The following PKHD1 variants were observed in gnomAD, a reference collection of about 807,000 sequenced individuals.
PKHD1 encodes PKHD1 ciliary IPT domain containing fibrocystin/polyductin.
A neutral mutation model predicts 412.0 loss-of-function variants in PKHD1; 291 were observed. The observed-to-expected ratio is 0.71, with a 90% CI of 0.64 to 0.78. The LOEUF (loss-of-function observed/expected upper bound fraction) is 0.78, where lower values mean the gene tolerates loss of function less well. Ranked by LOEUF, PKHD1 falls within the 30% of genes least tolerant of loss-of-function variation. The probability of loss-of-function intolerance (pLI) is 0.00; values close to 1 mark genes in which losing one functional copy is unlikely to be tolerated. For missense variants in PKHD1, 4,825 were observed against 4,950.7 expected, an observed-to-expected ratio of 0.97 and a Z score of 0.76; for synonymous variants, 1,777 against 1,821.5, an observed-to-expected ratio of 0.98 and a Z score of 0.62.
chr6:51,736,887 G>A (rs1184972165), intron 60 of PKHD1, among the ~76,000 whole-genome samples: 2 of 152,144 alleles, frequency 1.3e-5, no homozygotes, highest in Non-Finnish European at 2.9e-5. Context: ...GCAACAAAAA[G>A]TTGAGAAACT....
At chr6:51,768,167 T>C (rs1789457783) in intron 55 of PKHD1, among the ~76,000 whole-genome samples, 1 of 151,892 alleles carries the variant, frequency 6.6e-6, no homozygotes, top group African/African-American at 2.4e-5. Context: ...GGGGGTTGTT[T>C]TTTTTTTCTT....
chr6:52,052,434 C>CTCTAAATAATGAGTAGGAAGAG (rs1807011656), intron 21 of PKHD1, among the ~76,000 whole-genome samples: 1 of 152,164 alleles, frequency 6.6e-6, no homozygotes, highest in African/African-American at 2.4e-5. Flanking sequence ...CGGGCCTGAT[C>CTCTAAATAATGAGTAGGAAGAG]TCTAAATAAT....
chr6:51,945,806 GA>G (rs1435093416), intron 36 of PKHD1, among the ~76,000 whole-genome samples: 3 of 152,094 alleles, frequency 2.0e-5, no homozygotes, highest in Non-Finnish European at 4.4e-5. Context: ...TTCCAGCCCA[GA>G]ATACACAGAA....
chr6:51,913,125 T>C (rs1204052908), intron 37 of PKHD1, among the ~76,000 whole-genome samples: 1 of 152,038 alleles, frequency 6.6e-6, no homozygotes, highest in African/African-American at 2.4e-5. Flanking sequence ...TCTTTTTTAT[T>C]CCAAGAAAAA....
rs188883745 is a variant in PKHD1, at chr6:51,961,550, T to C, written c.5752-1524A>G. ...ATTTTAACTCTAGATGATTTCACTA[T>C]AGGACTAGCTTTAGGTTGGTAAAAT... On this transcript the variant is annotated intron_variant, in intron 35 of 66. Coordinates refer to ENST00000371117, the MANE Select transcript of PKHD1 (RefSeq NM_138694.4). Among the ~76,000 whole-genome samples, 358 of 152,242 alleles carry C rather than the reference T, an allele frequency of 2.4e-3. 1 individual carries two copies. Among genetic ancestry groups the C allele is most frequent in the Non-Finnish European group, 3.7e-3 (250 of 67,992 alleles).
chr6:52,021,453 GT>G (rs1315724007), intron 33 of PKHD1, among the ~76,000 whole-genome samples: 2 of 152,124 alleles, frequency 1.3e-5, no homozygotes, highest in Non-Finnish European at 2.9e-5. Context: ...AAATGTAGCA[GT>G]ATTAGTTAAA....
intron 38 of PKHD1, 50 bp downstream of exon 38, chr6:51,912,316 T>C (rs1783082056): frequency 8.6e-7 from 1 of 1,165,544 alleles, no homozygotes; most frequent in Non-Finnish European, 1.3e-6. Flanking sequence ...CCAATACAGT[T>C]AAGATCTCAT....
At chr6:51,704,751 T>C (rs771784403) in intron 60 of PKHD1, among the ~76,000 whole-genome samples, 3 of 151,912 alleles carry the variant, frequency 2.0e-5, no homozygotes, top group African/African-American at 4.8e-5. Flanking sequence ...GGTAAAATAG[T>C]TGGATATTCA....
chr6:52,035,738 A>T lies in PKHD1; in HGVS notation c.3098-17T>A, dbSNP rs1420260803. 5 of 1,613,262 alleles carry T rather than the reference A, an allele frequency of 3.1e-6. No homozygotes were observed. The East Asian group carries it at 6.7e-5, about 22-fold the overall frequency. Reference sequence around the variant, plus strand: ...AGAGCCCTCCTGTAACAAAAACAGCATATTCAAATGGGATCACCAACCATA... The same window carrying T: ...AGAGCCCTCCTGTAACAAAAACAGCTTATTCAAATGGGATCACCAACCATA... On this transcript the variant is annotated splice_polypyrimidine_tract_variant and intron_variant, in intron 27 of 66. Coordinates refer to ENST00000371117, the MANE Select transcript of PKHD1 (RefSeq NM_138694.4).
intron 34 of PKHD1, among the ~76,000 whole-genome samples, chr6:52,014,823 TGGAC>T (rs1554193281): frequency 1.5e-5 from 2 of 137,770 alleles, no homozygotes; most frequent in Admixed American, 7.7e-5. Flanking sequence ...GATGGATGGA[TGGAC>T]GGACGAATAG....
At chr6:51,858,293 C>T (rs983992020) in intron 48 of PKHD1, among the ~76,000 whole-genome samples, 3 of 152,050 alleles carry the variant, frequency 2.0e-5, no homozygotes, top group South Asian at 2.1e-4. Flanking sequence ...TAGCCATTTG[C>T]GCTCAGTCAT....
At chr6:51,744,016 T>A (rs993441162) in intron 60 of PKHD1, among the ~76,000 whole-genome samples, 1 of 152,096 alleles carries the variant, frequency 6.6e-6, no homozygotes, top group East Asian at 1.9e-4. Context: ...AAAGGTAAGC[T>A]TAAAGAAAAA....
In PKHD1 at chr6:51,616,492, G is replaced by T. The variant is rs1283706517; in HGVS notation, c.*2589C>A. 8 of 390,650 alleles carry T rather than the reference G, an allele frequency of 2.0e-5. No individual in the cohort carries two copies. Among genetic ancestry groups the T allele is most frequent in the Non-Finnish European group, 3.6e-5 (8 of 221,710 alleles). The allele number at this position is 390,650 out of a possible 1,614,324, so 24.2% of individuals were successfully genotyped here. On this transcript the variant is annotated 3_prime_UTR_variant, in exon 67 of 67. Transcript: ENST00000371117. ...TCCAGACATGAATGAACATAGAGCTGCTCTCTTTGCTTTTGGTGTTTCCCT... is the reference window on the plus strand; with the variant it reads ...TCCAGACATGAATGAACATAGAGCTTCTCTCTTTGCTTTTGGTGTTTCCCT...
intron 5 of PKHD1, among the ~76,000 whole-genome samples, chr6:52,078,582 C>T (rs1456892220): frequency 2.0e-5 from 3 of 152,216 alleles, no homozygotes; most frequent in Non-Finnish European, 4.4e-5. Flanking sequence ...GAATGCCTCT[C>T]ATTAACTGCA....
intron 36 of PKHD1, among the ~76,000 whole-genome samples, chr6:51,950,220 A>AAAAAAAAAAAATATATATATAT: frequency 6.1e-5 from 6 of 98,304 alleles, no homozygotes; most frequent in African/African-American, 1.5e-4. Context: ...GAAAAAAAAA[A>AAAAAAAAAAAATATATATATAT]ATATATATAT....
intron 29 of PKHD1, among the ~76,000 whole-genome samples, chr6:52,028,757 C>T (rs750364970): frequency 1.2e-4 from 19 of 152,208 alleles, no homozygotes; most frequent in Non-Finnish European, 2.8e-4. Context: ...ACCAATCTGC[C>T]TGCCTTGGCC....
At chr6:51,809,954 A>G (rs1250193259) in intron 52 of PKHD1, among the ~76,000 whole-genome samples, 1 of 151,262 alleles carries the variant, frequency 6.6e-6, no homozygotes, top group Non-Finnish European at 1.5e-5. Flanking sequence ...TTTTTCATGT[A>G]CTATTGCATT....
At chr6:51,839,914 T>G (rs1219464929) in intron 50 of PKHD1, among the ~76,000 whole-genome samples, 1 of 151,998 alleles carries the variant, frequency 6.6e-6, no homozygotes, top group Non-Finnish European at 1.5e-5. Context: ...TGTCTGCAAA[T>G]GTCATGCAGT....
chr6:51,837,582 T>C (rs1407581213), intron 50 of PKHD1, among the ~76,000 whole-genome samples: 2 of 152,004 alleles, frequency 1.3e-5, no homozygotes, highest in Non-Finnish European at 2.9e-5. Context: ...GGTGCACTCC[T>C]ATAATCCCAG....
Sources: gnomAD v4.1 joint callset for allele counts (sites outside exome capture counted in the v4.1 genomes callset) on GRCh38, gnomAD v4.1.1 for gene constraint, MANE v1.5 for transcripts, NCBI Gene and HGNC (gene_info 2026-07-23, HGNC 2026-07-21) for gene names.